SAXO1: variants seen among roughly 807,000 people sequenced by gnomAD.
The protein encoded by SAXO1 is 4930500O09Rik.
Under a neutral mutation model 17.5 loss-of-function variants are expected in SAXO1, and 21 were observed. The observed-to-expected ratio is 1.20, with a 90% CI of 0.85 to 1.72. The LOEUF (loss-of-function observed/expected upper bound fraction) is 1.72, where lower values mean the gene tolerates loss of function less well. Ranked by LOEUF, SAXO1 falls within the 40% of genes most tolerant of loss-of-function variation. SAXO1 has a pLI of 0.00. For missense variants in SAXO1, 843 were observed against 596.0 expected, an observed-to-expected ratio of 1.41 and a Z score of -4.32; for synonymous variants, 274 against 216.5, an observed-to-expected ratio of 1.27 and a Z score of -2.33.
At chr9:18,975,363 G>A (rs1833104729) in intron 1 of SAXO1, among the ~76,000 whole-genome samples, 2 of 152,168 alleles carry the variant, frequency 1.3e-5, no homozygotes, top group African/African-American at 2.4e-5. Context: ...GGGACGATGT[G>A]GCACACCTGC....
In SAXO1 at chr9:18,928,438, A is replaced by C; in HGVS notation, c.1039T>G (p.Trp347Gly). 3 of 1,609,268 alleles carry C rather than the reference A, an allele frequency of 1.9e-6. No individual in the cohort carries two copies. The highest frequency in any genetic ancestry group is 2.5e-6 in the Non-Finnish European group (3 of 1,177,258). ...SSTTKDDYKQ[W>G]SSMRTEPVKP... ...ACTGGCTCTGTGCGCATGCTGGACC[A>C]CTGCTTGTAGTCATCCTTGGTGGTG... The change falls in exon 4 of 4, where the codon TGG becomes GGG. Residue 347 changes from tryptophan to glycine, a missense_variant. Trp to Gly is a radical substitution (Grantham distance 184). Coordinates refer to ENST00000380534, the MANE Select transcript of SAXO1 (RefSeq NM_153707.4).
At chr9:18,958,211 G>A (rs570791429) in intron 1 of SAXO1, among the ~76,000 whole-genome samples, 1 of 152,244 alleles carries the variant, frequency 6.6e-6, no homozygotes, top group South Asian at 2.1e-4. Flanking sequence ...ATCATTTGAG[G>A]TCAGGGGTTC....
intron 1 of SAXO1, among the ~76,000 whole-genome samples, chr9:19,007,447 C>T (rs948840245): frequency 3.3e-5 from 5 of 152,164 alleles, no homozygotes; most frequent in African/African-American, 2.4e-5. Flanking sequence ...AAAATACGGA[C>T]TTTTTGGATC....
chr9:19,042,400 T>C (rs1449307722), intron 1 of SAXO1, among the ~76,000 whole-genome samples: 2 of 152,154 alleles, frequency 1.3e-5, no homozygotes, highest in Non-Finnish European at 2.9e-5. Flanking sequence ...CTTAAAAAGC[T>C]AAAAATGGTA....
intron 3 of SAXO1, among the ~76,000 whole-genome samples, chr9:18,940,268 A>G (rs1489635095): frequency 1.3e-5 from 2 of 152,256 alleles, no homozygotes; most frequent in Admixed American, 6.5e-5. Context: ...AGGTGGGGCC[A>G]TTTCAGGGTA....
chr9:18,980,753 GGGA>G (rs1445828114), intron 1 of SAXO1, among the ~76,000 whole-genome samples: 2 of 134,078 alleles, frequency 1.5e-5, no homozygotes, highest in East Asian at 2.1e-4. Context: ...TTTGCTTTGT[GGGA>G]GGAGAAGCAT....
In SAXO1 at chr9:18,960,142, A is replaced by G. The variant is rs148342204; in HGVS notation, c.39-9205T>C. Among the ~76,000 whole-genome samples, 522 of 152,310 alleles carry G rather than the reference A, an allele frequency of 3.4e-3. 3 individuals carry two copies. The highest frequency in any genetic ancestry group is 0.012 in the African/African-American group (498 of 41,564). On this transcript the variant is annotated intron_variant, in intron 1 of 3. Coordinates refer to ENST00000380534, the MANE Select transcript of SAXO1 (RefSeq NM_153707.4). ...TCCCCCCTTGGCAATGAAAAGGAAA[A>G]AGAGTTTCTTCTGTGAAAAATATTT...
chr9:18,940,848 G>A (rs1477983236), intron 3 of SAXO1, among the ~76,000 whole-genome samples: 1 of 151,964 alleles, frequency 6.6e-6, no homozygotes, highest in African/African-American at 2.4e-5. Context: ...ACACCTCATA[G>A]GTAATATCAA....
At chr9:19,006,942 G>A (rs1280765347) in intron 1 of SAXO1, among the ~76,000 whole-genome samples, 1 of 152,166 alleles carries the variant, frequency 6.6e-6, no homozygotes, top group Non-Finnish European at 1.5e-5. Flanking sequence ...TTACTCGGGA[G>A]GCTGATGCAG....
At chr9:18,974,944 G>A (rs1033547614) in intron 1 of SAXO1, among the ~76,000 whole-genome samples, 3 of 152,228 alleles carry the variant, frequency 2.0e-5, no homozygotes, top group Admixed American at 6.5e-5. Flanking sequence ...AATACAAAGG[G>A]AACATGGTGA....
intron 1 of SAXO1, chr9:19,027,177 G>A (rs556069739): frequency 1.7e-6 from 2 of 1,201,698 alleles, no homozygotes; most frequent in Non-Finnish European, 1.2e-6. Flanking sequence ...TCCAAATATT[G>A]ACCTGGACTC....
chr9:19,030,284 A>G (rs920070204), intron 1 of SAXO1, among the ~76,000 whole-genome samples: 11 of 152,228 alleles, frequency 7.2e-5, no homozygotes, highest in South Asian at 2.1e-4. Context: ...GAGAAAAAAA[A>G]ACTAGGAAGG....
intron 1 of SAXO1, among the ~76,000 whole-genome samples, chr9:18,964,695 T>C (rs989664487): frequency 6.6e-6 from 1 of 152,206 alleles, no homozygotes; most frequent in Non-Finnish European, 1.5e-5. Flanking sequence ...GTTAATCTTT[T>C]CTAAAAACTA....
At chr9:19,036,229 A>G (rs950061633), upstream of SAXO1, among the ~76,000 whole-genome samples, 1 of 150,730 alleles carries the variant, frequency 6.6e-6, no homozygotes, top group Non-Finnish European at 1.5e-5. Flanking sequence ...CGTTCTGCAC[A>G]TGTACCCCAG....
chr9:19,005,798 T>G (rs1834460590), intron 1 of SAXO1, among the ~76,000 whole-genome samples: 1 of 152,198 alleles, frequency 6.6e-6, no homozygotes, highest in Admixed American at 6.5e-5. Context: ...GAAACTTCTG[T>G]GTAAACAACG....
At chr9:19,034,982 T>C (rs1036231364), upstream of SAXO1, among the ~76,000 whole-genome samples, 15 of 152,144 alleles carry the variant, frequency 9.9e-5, no homozygotes, top group Admixed American at 6.5e-5. Context: ...CCTCCATCCA[T>C]GCCCTCAATA....
chr9:18,972,237 C>T (rs1832970760), intron 1 of SAXO1, among the ~76,000 whole-genome samples: 1 of 152,182 alleles, frequency 6.6e-6, no homozygotes, highest in African/African-American at 2.4e-5. Context: ...GATAGCCCTT[C>T]TTTACAAAAA....
chr9:18,992,713 G>T (rs1353091888), intron 1 of SAXO1, among the ~76,000 whole-genome samples: 1 of 152,122 alleles, frequency 6.6e-6, no homozygotes, highest in African/African-American at 2.4e-5. Flanking sequence ...ATTGGAAGAA[G>T]AAAGAATGAG....
At chr9:18,936,856 C>T (rs539615386) in intron 3 of SAXO1, among the ~76,000 whole-genome samples, 12 of 152,268 alleles carry the variant, frequency 7.9e-5, no homozygotes, top group South Asian at 2.1e-4. Flanking sequence ...AACCAAATGC[C>T]GCTAAAGCAT....
Sources: allele counts gnomAD v4.1 joint callset (sites outside exome capture counted in the v4.1 genomes callset), GRCh38; gene constraint gnomAD v4.1.1; transcripts MANE v1.5; gene names NCBI Gene and HGNC (gene_info 2026-07-23, HGNC 2026-07-21).